PDE6H: variants seen among roughly 807,000 people sequenced by gnomAD.
PDE6H encodes phosphodiesterase 6H.
In PDE6H, 11 loss-of-function variants were observed where a neutral mutation model predicts 9.2. The observed-to-expected ratio is 1.19, with a 90% confidence interval of 0.75 to 1.97. The LOEUF (loss-of-function observed/expected upper bound fraction) is 1.97. Ranked by LOEUF, PDE6H falls within the 30% of genes most tolerant of loss-of-function variation. The pLI is 0.00. For synonymous variants in PDE6H, 36 were observed against 33.6 expected (o/e 1.07, Z -0.25); for missense variants, 98 against 101.5 (o/e 0.97, Z 0.15).
At chr12:14,977,039 G>A (rs1235119309) in intron 1 of PDE6H, among the ~76,000 whole-genome samples, 1 of 152,264 alleles carries the variant, frequency 6.6e-6, no homozygotes, top group Non-Finnish European at 1.5e-5. Context: ...ATATTGGATA[G>A]GTCCGTGGTG....
chr12:14,976,130 C>A (rs900317383), intron 1 of PDE6H, among the ~76,000 whole-genome samples: 2 of 151,992 alleles, frequency 1.3e-5, no homozygotes, highest in Non-Finnish European at 2.9e-5. Context: ...TGTTCAATTT[C>A]TAAATTAATT....
In PDE6H at chr12:14,981,397, C is replaced by A. The variant is rs1220845303; in HGVS notation, c.176-3C>A. ...TTACGTGCTCTTCTTCCATCTCTTG[C>A]AGATATCACAGTGATTTGTCCATGG... On this transcript the variant is annotated splice_region_variant and splice_polypyrimidine_tract_variant and intron_variant, in intron 3 of 3. Transcript: ENST00000266395. 1.9e-6 allele frequency: 3 copies of A among 1,599,954 alleles called. No homozygotes were observed. The highest frequency in any genetic ancestry group is 2.6e-6 in the Non-Finnish European group (3 of 1,167,252).
intron 1 of PDE6H, among the ~76,000 whole-genome samples, chr12:14,975,400 T>C (rs1864577131): frequency 6.6e-6 from 1 of 151,992 alleles, no homozygotes; most frequent in African/African-American, 2.4e-5. Context: ...CTGGCAATTC[T>C]AACCCTAATA....
chr12:14,975,436 CTT>C (rs1183081452), intron 1 of PDE6H, among the ~76,000 whole-genome samples: 3 of 150,870 alleles, frequency 2.0e-5, no homozygotes, highest in Non-Finnish European at 4.4e-5. Context: ...AGAAAAGAAA[CTT>C]TTTGATTTCT....
intron 1 of PDE6H, among the ~76,000 whole-genome samples, chr12:14,976,740 G>A (rs1271905699): frequency 6.6e-6 from 1 of 152,054 alleles, no homozygotes; most frequent in East Asian, 1.9e-4. Flanking sequence ...TCTGCAATGG[G>A]TGAAATAAGG....
Position 14,981,497 on chromosome 12 carries a change from T to A in PDE6H, c.*21T>A. ...TCTGAAGTGCCAGAGGTTCTGCCAC[T>A]CTCAATGACATCTGCTGTAATTTTG... is the stretch of plus-strand genomic sequence containing the variant. On this transcript the variant is annotated 3_prime_UTR_variant, in exon 4 of 4. Coordinates refer to ENST00000266395, the MANE Select transcript of PDE6H (RefSeq NM_006205.3). 1 of 1,568,426 alleles carries A rather than the reference T, an allele frequency of 6.4e-7. No homozygotes were observed. The highest frequency in any genetic ancestry group is 8.8e-7 in the Non-Finnish European group (1 of 1,138,206).
At chr12:14,974,748 G>GAATTACCCAGCGAGGGCAGATGAT in intron 1 of PDE6H, among the ~76,000 whole-genome samples, 2 of 152,346 alleles carry the variant, frequency 1.3e-5, no homozygotes, top group South Asian at 4.1e-4. Context: ...AGGAAGCAGA[G>GAATTACCCAGCGAGGGCAGATGAT]AATTACCCAG....
At chr12:14,981,356 T>C (rs766151502) in intron 3 of PDE6H, 44 bp from the exon 4 acceptor site, 3 of 1,193,256 alleles carry the variant, frequency 2.5e-6, no homozygotes, top group African/African-American at 1.5e-5. Flanking sequence ...AGAAGCTCTC[T>C]TGGGGTGAGG....
intron 1 of PDE6H, among the ~76,000 whole-genome samples, chr12:14,976,441 A>T (rs569804508): frequency 6.6e-6 from 1 of 152,340 alleles, no homozygotes; most frequent in Non-Finnish European, 1.5e-5. Context: ...GAAGTTATAG[A>T]ATATGAGGTT....
chr12:14,978,297 G>A, intron 2 of PDE6H, 151 bp downstream of exon 2: 1 of 708,348 alleles, frequency 1.4e-6, no homozygotes, highest in Non-Finnish European at 2.4e-6. Context: ...CATCTTTGAT[G>A]AATTGTGTCT....
intron 1 of PDE6H, among the ~76,000 whole-genome samples, chr12:14,977,669 T>C (rs920984561): frequency 2.0e-5 from 3 of 152,240 alleles, no homozygotes; most frequent in African/African-American, 7.2e-5. Flanking sequence ...GGGAACAGCA[T>C]AGCTACCTAG....
At chr12:14,977,892 C>G in intron 1 of PDE6H, 80 bp from the exon 2 acceptor site, 1 of 978,776 alleles carries the variant, frequency 1.0e-6, no homozygotes, top group Admixed American at 2.4e-5. Flanking sequence ...CTTTTCTTCT[C>G]CAGCCTGAAA....
intron 2 of PDE6H, among the ~76,000 whole-genome samples, chr12:14,978,454 C>T (rs1864630885): frequency 6.6e-6 from 1 of 152,236 alleles, no homozygotes; most frequent in African/African-American, 2.4e-5. Context: ...CTACGTTAAT[C>T]TGTAACACTG....
chr12:14,980,539 G>A (rs1301182240), intron 3 of PDE6H, among the ~76,000 whole-genome samples: 1 of 152,158 alleles, frequency 6.6e-6, no homozygotes, highest in African/African-American at 2.4e-5. Flanking sequence ...AATCCTCAGT[G>A]TCTCTTTCTG....
At position 14,973,095 on chromosome 12, in the gene PDE6H, T is replaced by G. The variant is rs1020516011; in HGVS notation, c.-42+9T>G. The stretch of plus-strand genomic sequence containing the variant: ...GAACAACATTCAGCTCCGTGAGTAC[T>G]TCTGAACTTCTGGTGAATTTGAGCA... On this transcript the variant is annotated intron_variant, in intron 1 of 3. Coordinates refer to ENST00000266395, the MANE Select transcript of PDE6H (RefSeq NM_006205.3). The G allele has an allele frequency of 6.6e-6, 1 of 152,248 alleles. No homozygotes were observed. Among genetic ancestry groups the G allele is most frequent in the African/African-American group, 2.4e-5 (1 of 41,458 alleles). 9.4% of individuals were successfully genotyped at this position (152,248 alleles called of 1,614,324 possible).
In PDE6H at chr12:14,978,125, C is replaced by T. The variant is rs2120826936; in HGVS notation, c.113C>T (p.Pro38Leu). Residue 38 changes from proline to leucine, a missense_variant, in exon 2 of 4, where the codon CCT becomes CTT. By Grantham distance (98) the Pro-to-Leu change is moderately conservative (BLOSUM62 -3). Transcript: ENST00000266395. ...CAGACTCGCCAATTCAAGAGTAAAC[C>T]TCCAAAGAAAGGTGTGAAAGGGTAA... ...QRQTRQFKSK[P>L]PKKGVKGFGD... 1.2e-6 allele frequency: 2 copies of T among 1,613,778 alleles called. No homozygotes were observed. Among genetic ancestry groups the T allele is most frequent in the East Asian group, 2.2e-5 (1 of 44,854 alleles).
rs948783338 is a variant in PDE6H, at chr12:14,981,595, G to A, written c.*119G>A. On this transcript the variant is annotated 3_prime_UTR_variant, in exon 4 of 4. Transcript: ENST00000266395. The stretch of plus-strand genomic sequence containing the variant: ...TGGAAGTGGTTTCTTTGACTTTCAA[G>A]GTCATTCCCTATCAGTTACTACTAA... The A allele has an allele frequency of 2.7e-6, 2 of 738,162 alleles. No homozygotes were observed. Among genetic ancestry groups the A allele is most frequent in the Non-Finnish European group, 4.9e-6 (2 of 406,572 alleles). The allele number at this position is 738,162 out of a possible 1,614,324, so 45.7% of individuals were successfully genotyped here.
chr12:14,975,140 A>G (rs754639201), intron 1 of PDE6H, among the ~76,000 whole-genome samples: 1 of 152,210 alleles, frequency 6.6e-6, no homozygotes, highest in Non-Finnish European at 1.5e-5. Context: ...ATCAAAGGAC[A>G]ATTTGACAAA....
chr12:14,977,996 G>A lies in PDE6H; in HGVS notation c.-17G>A, dbSNP rs370234224. 3.8e-5 allele frequency: 62 copies of A among 1,612,404 alleles called. No individual in the cohort carries two copies. Among genetic ancestry groups the A allele is most frequent in the African/African-American group, 9.4e-5 (7 of 74,810 alleles). ...GGAGGCTGAAAGGGAAACATCAGCC[G>A]CCCGGGGGGAGTTAAAATGAGTGAC... On this transcript the variant is annotated 5_prime_UTR_variant, in exon 2 of 4. Transcript: ENST00000266395.
Sources: allele counts gnomAD v4.1 joint callset (sites outside exome capture counted in the v4.1 genomes callset), GRCh38; gene constraint gnomAD v4.1.1; transcripts MANE v1.5; gene names NCBI Gene and HGNC (gene_info 2026-07-23, HGNC 2026-07-21).